The following MARCHF8 variants were observed in gnomAD, a reference collection of about 807,000 sequenced individuals.
MARCHF8 encodes membrane associated ring-CH-type finger 8.
MARCHF8 carries 40 observed loss-of-function variants against 51.6 expected under a neutral mutation model. That is an observed-to-expected ratio of 0.77 (90% CI 0.60 to 1.01). The LOEUF is 1.01. Among genes scored for constraint, MARCHF8 ranks in the 50% least tolerant of loss-of-function variants. The probability of loss-of-function intolerance (pLI) is 0.00; values close to 1 mark genes in which losing one functional copy is unlikely to be tolerated. For missense variants in MARCHF8, 685 were observed against 708.6 expected (o/e 0.97, Z 0.38); for synonymous variants, 263 against 280.3 (o/e 0.94, Z 0.62).
At chr10:45,549,713 G>T (rs1045074439) in intron 1 of MARCHF8, among the ~76,000 whole-genome samples, 2 of 152,240 alleles carry the variant, frequency 1.3e-5, no homozygotes, top group African/African-American at 4.8e-5. Context: ...CTCACTAATG[G>T]ATTAATGCTG....
intron 1 of MARCHF8, among the ~76,000 whole-genome samples, chr10:45,551,638 C>A (rs1038655699): frequency 1.6e-4 from 24 of 152,110 alleles, no homozygotes; most frequent in Admixed American, 2.6e-4. Flanking sequence ...CTGACCTCCC[C>A]TAGAAGAAGA....
chr10:45,476,721 C>A (rs550005846), intron 3 of MARCHF8, among the ~76,000 whole-genome samples: 1 of 148,844 alleles, frequency 6.7e-6, no homozygotes, highest in African/African-American at 2.5e-5. Context: ...ATACAAAATA[C>A]ACTTGAAATA....
At chr10:45,476,441 G>A (rs941942189) in intron 3 of MARCHF8, among the ~76,000 whole-genome samples, 2 of 152,132 alleles carry the variant, frequency 1.3e-5, no homozygotes, top group Non-Finnish European at 2.9e-5. Flanking sequence ...GGTGATGTGT[G>A]CCTGTAGGCC....
In MARCHF8 at chr10:45,461,315, C is replaced by T; in HGVS notation, c.1185G>A (p.Gln395=). ...LHFVHQACLQ[Q]WIKSSDTRCC... ...AGCGCGTGTCGGAGCTCTTGATCCA[C>T]TGCTGCAGGCAGGCCTGGTGCACGA... Residue 395 remains glutamine, a synonymous_variant, in exon 6 of 8, where the codon CAG becomes CAA. Coordinates refer to ENST00000453424, the MANE Select transcript of MARCHF8 (RefSeq NM_001282866.2). The T allele has an allele frequency of 6.2e-7, 1 of 1,607,884 alleles. No homozygotes were observed. Among genetic ancestry groups the T allele is most frequent in the Non-Finnish European group, 8.5e-7 (1 of 1,177,494 alleles).
At chr10:45,510,418 A>C (rs2043476247) in intron 2 of MARCHF8, among the ~76,000 whole-genome samples, 1 of 152,346 alleles carries the variant, frequency 6.6e-6, no homozygotes, top group Middle Eastern at 3.4e-3. Context: ...GTCTTAAGGA[A>C]TAACAAAAAT....
At chr10:45,581,103 G>C (rs562390375) in intron 1 of MARCHF8, among the ~76,000 whole-genome samples, 5 of 152,238 alleles carry the variant, frequency 3.3e-5, no homozygotes, top group Admixed American at 2.0e-4. Flanking sequence ...AGCGGTATTC[G>C]TAAGTCTGTG....
chr10:45,512,785 G>C (rs1589139289), intron 2 of MARCHF8, among the ~76,000 whole-genome samples: 1 of 152,170 alleles, frequency 6.6e-6, no homozygotes, highest in Non-Finnish European at 1.5e-5. Context: ...AATAGAAAGG[G>C]GGGAAAGGTG....
At chr10:45,511,824 C>T (rs986271685) in intron 2 of MARCHF8, among the ~76,000 whole-genome samples, 3 of 152,130 alleles carry the variant, frequency 2.0e-5, no homozygotes, top group South Asian at 2.1e-4. Flanking sequence ...TCTGCCCGGC[C>T]GCCACCCCGT....
chr10:45,469,786 A>C (rs1468484443), intron 3 of MARCHF8, among the ~76,000 whole-genome samples: 4 of 138,724 alleles, frequency 2.9e-5, no homozygotes, highest in African/African-American at 8.0e-5. Flanking sequence ...AATGGCGTGA[A>C]CCCGGGAGGC....
At chr10:45,541,584 A>T (rs183187879) in intron 1 of MARCHF8, among the ~76,000 whole-genome samples, 157 of 152,314 alleles carry the variant, frequency 1.0e-3, no homozygotes, top group South Asian at 4.3e-3. Context: ...ATAAAATTTT[A>T]AAAAAATGCA....
At chr10:45,521,646 GT>G (rs2043707983) in intron 2 of MARCHF8, among the ~76,000 whole-genome samples, 1 of 152,224 alleles carries the variant, frequency 6.6e-6, no homozygotes, top group Admixed American at 6.5e-5. Context: ...TACCTAGGAA[GT>G]GTGAGATAAC....
intron 3 of MARCHF8, among the ~76,000 whole-genome samples, chr10:45,470,502 AT>A (rs1843137932): frequency 1.3e-5 from 2 of 152,134 alleles, no homozygotes; most frequent in Admixed American, 6.5e-5. Flanking sequence ...TTGGGCCTGT[AT>A]TTATAACCCC....
At chr10:45,565,897 A>G (rs1051829135) in intron 1 of MARCHF8, among the ~76,000 whole-genome samples, 4 of 152,146 alleles carry the variant, frequency 2.6e-5, no homozygotes, top group Non-Finnish European at 5.9e-5. Flanking sequence ...ACCTCATTTA[A>G]TATCTATTGT....
intron 3 of MARCHF8, among the ~76,000 whole-genome samples, chr10:45,469,105 A>G (rs71494785): frequency 0.062 from 9,395 of 152,090 alleles, 332 homozygotes; most frequent in Non-Finnish European, 0.067. Flanking sequence ...AATATCAGCA[A>G]TCATTAAAAA....
chr10:45,525,637 T>C (rs2043779344), intron 2 of MARCHF8, among the ~76,000 whole-genome samples: 1 of 152,178 alleles, frequency 6.6e-6, no homozygotes, highest in African/African-American at 2.4e-5. Context: ...AGAGTAACTT[T>C]ATAGTGGAGA....
chr10:45,530,372 A>T (rs1012133895), intron 2 of MARCHF8, among the ~76,000 whole-genome samples: 14 of 152,234 alleles, frequency 9.2e-5, no homozygotes, highest in Admixed American at 9.2e-4. Context: ...CACTTGTACT[A>T]AATCTATAAA....
At chr10:45,526,366 T>A (rs1243044817) in intron 2 of MARCHF8, among the ~76,000 whole-genome samples, 6 of 152,172 alleles carry the variant, frequency 3.9e-5, no homozygotes, top group African/African-American at 1.4e-4. Context: ...GGGCTCCACA[T>A]TCCCACCATG....
Position 45,463,802 on chromosome 10 carries a change from G to C in MARCHF8, c.437C>G (p.Thr146Ser). 3 of 1,549,872 alleles carry C rather than the reference G, an allele frequency of 1.9e-6. No individual in the cohort carries two copies. The highest frequency in any genetic ancestry group is 1.7e-6 in the Non-Finnish European group (2 of 1,147,092). ...WAQALKPAKN[T>S]KARRTLKFSR... is the part of the protein sequence containing the mutation. Reference sequence around the variant, plus strand: ...GAACTTTAGTGTTCTTCTGGCTTTGGTATTCTTAGCAGGCTTCAAGGCCTG... The same window carrying C: ...GAACTTTAGTGTTCTTCTGGCTTTGCTATTCTTAGCAGGCTTCAAGGCCTG... The change falls in exon 5 of 8, where the codon ACC becomes AGC. Residue 146 changes from threonine to serine, a missense_variant. Transcript: ENST00000453424.
chr10:45,558,693 G>GT, intron 1 of MARCHF8, among the ~76,000 whole-genome samples: 1 of 152,328 alleles, frequency 6.6e-6, no homozygotes, highest in South Asian at 2.1e-4. Flanking sequence ...GCACTAGCAG[G>GT]CTGTGTGTAC....
Sources: allele counts gnomAD v4.1 joint callset (sites outside exome capture counted in the v4.1 genomes callset), GRCh38; gene constraint gnomAD v4.1.1; transcripts MANE v1.5; gene names NCBI Gene and HGNC (gene_info 2026-07-23, HGNC 2026-07-21).